The following SV2C variants were observed in gnomAD, a reference collection of about 807,000 sequenced individuals.
The protein encoded by SV2C is solute carrier family 22 member B3.
A neutral mutation model predicts 79.7 loss-of-function variants in SV2C; 49 were observed. The observed-to-expected ratio is 0.61, with a 90% CI of 0.49 to 0.78. SV2C has a LOEUF of 0.78. Among genes scored for constraint, SV2C ranks in the 30% least tolerant of loss-of-function variants. The pLI is 0.00. For synonymous variants in SV2C, 334 were observed against 333.2 expected (o/e 1.00, Z -0.03); for missense variants, 833 against 912.9 (o/e 0.91, Z 1.13).
the SV2C span, among the ~76,000 whole-genome samples, chr5:76,030,289 T>TTTTTTTTTTTTATTTATTTA: frequency 1.7e-5 from 2 of 117,870 alleles, no homozygotes; most frequent in African/African-American, 7.8e-5. Flanking sequence ...TTTTTTTTTT[T>TTTTTTTTTTTTATTTATTTA]TTTATTTATT....
intron 12 of SV2C, among the ~76,000 whole-genome samples, chr5:76,346,418 G>GTGGA (rs528055525): frequency 1.2e-3 from 190 of 152,318 alleles, no homozygotes; most frequent in African/African-American, 4.3e-3. Context: ...CAGCACTTCA[G>GTGGA]TGGATATAGT....
the SV2C span, among the ~76,000 whole-genome samples, chr5:76,023,482 T>C: frequency 6.6e-6 from 1 of 152,094 alleles, no homozygotes; most frequent in Admixed American, 6.6e-5. Flanking sequence ...GACTTTTATG[T>C]AGCCATCCCA....
the SV2C span, among the ~76,000 whole-genome samples, chr5:76,042,085 G>T: frequency 2.0e-5 from 3 of 152,182 alleles, no homozygotes; most frequent in South Asian, 4.1e-4. Flanking sequence ...TCTGTCCAGG[G>T]TGCTGCTCAC....
the SV2C span, among the ~76,000 whole-genome samples, chr5:75,919,001 G>T: frequency 6.6e-6 from 1 of 152,064 alleles, no homozygotes. Flanking sequence ...TAAACATTCC[G>T]GCAGAATTCA....
the SV2C span, among the ~76,000 whole-genome samples, chr5:75,964,903 T>A: frequency 6.6e-6 from 1 of 152,204 alleles, no homozygotes; most frequent in Non-Finnish European, 1.5e-5. Context: ...AGCAATTTTT[T>A]AAACTAGTTG....
At chr5:76,207,651 C>G (rs973453519) in intron 3 of SV2C, among the ~76,000 whole-genome samples, 1 of 151,944 alleles carries the variant, frequency 6.6e-6, no homozygotes. Flanking sequence ...TGCAGCTTAC[C>G]CCTTGAAAGG....
the SV2C span, among the ~76,000 whole-genome samples, chr5:75,871,229 G>C: frequency 2.0e-5 from 3 of 152,210 alleles, no homozygotes; most frequent in Non-Finnish European, 4.4e-5. Flanking sequence ...AATTGAAGTA[G>C]AAATGAAATG....
At chr5:75,861,202 A>G in the SV2C span, among the ~76,000 whole-genome samples, 24 of 152,388 alleles carry the variant, frequency 1.6e-4, no homozygotes, top group African/African-American at 5.3e-4. Context: ...AAAAGAAGAC[A>G]TAAAAGTGGC....
chr5:75,853,082 G>C, the SV2C span, among the ~76,000 whole-genome samples: 3 of 152,004 alleles, frequency 2.0e-5, no homozygotes, highest in Non-Finnish European at 2.9e-5. Context: ...ACATACTGTC[G>C]CAAGTTCTTA....
the SV2C span, among the ~76,000 whole-genome samples, chr5:76,021,061 C>T: frequency 6.6e-6 from 1 of 152,170 alleles, no homozygotes; most frequent in African/African-American, 2.4e-5. Flanking sequence ...ATGAAGAAAT[C>T]ATTGGTCTAT....
At chr5:75,942,309 C>G in the SV2C span, among the ~76,000 whole-genome samples, 2 of 152,182 alleles carry the variant, frequency 1.3e-5, no homozygotes, top group African/African-American at 4.8e-5. Context: ...ATAAGCTCCT[C>G]TAGAAAATTA....
the SV2C span, among the ~76,000 whole-genome samples, chr5:75,955,455 TAGGC>T: frequency 8.2e-4 from 124 of 151,072 alleles, 1 homozygote; most frequent in African/African-American, 2.9e-3. Flanking sequence ...GAAGAAAACT[TAGGC>T]ATTACCATTC....
chr5:76,124,655 T>C (rs1748642520), intron 1 of SV2C, among the ~76,000 whole-genome samples: 2 of 152,210 alleles, frequency 1.3e-5, no homozygotes, highest in South Asian at 4.1e-4. Flanking sequence ...GATTATATGG[T>C]AATTCTATTT....
the SV2C span, among the ~76,000 whole-genome samples, chr5:75,888,035 T>C: frequency 3.9e-5 from 6 of 152,166 alleles, no homozygotes; most frequent in Admixed American, 1.3e-4. Flanking sequence ...AAGTGTTCAA[T>C]TGTTTTTTTA....
intron 1 of SV2C, among the ~76,000 whole-genome samples, chr5:76,090,062 G>A (rs1258864972): frequency 1.3e-5 from 2 of 152,134 alleles, no homozygotes; most frequent in South Asian, 2.1e-4. Flanking sequence ...AGAAGCAATC[G>A]ATGTTTCCCA....
the SV2C span, among the ~76,000 whole-genome samples, chr5:76,034,393 G>C: frequency 6.6e-6 from 1 of 152,134 alleles, no homozygotes; most frequent in Non-Finnish European, 1.5e-5. Flanking sequence ...GTTTGTCATA[G>C]ATAGCTCTTA....
At chr5:76,086,657 A>C (rs1747210572) in intron 1 of SV2C, among the ~76,000 whole-genome samples, 1 of 152,204 alleles carries the variant, frequency 6.6e-6, no homozygotes, top group African/African-American at 2.4e-5. Context: ...GTTTTGATGC[A>C]ACATTGCCAC....
At chr5:75,999,184 CA>C in the SV2C span, among the ~76,000 whole-genome samples, 1 of 152,054 alleles carries the variant, frequency 6.6e-6, no homozygotes, top group Non-Finnish European at 1.5e-5. Flanking sequence ...TACCTCCCAC[CA>C]GGTCCCTCCT....
At position 76,131,631 on chromosome 5, in the gene SV2C, T is replaced by A. The variant is rs1748893448; in HGVS notation, c.-101-19T>A. 2 of 668,150 alleles carry A rather than the reference T, an allele frequency of 3.0e-6. No homozygotes were observed. Among genetic ancestry groups the A allele is most frequent in the Non-Finnish European group, 4.9e-6 (2 of 411,600 alleles). 41.4% of individuals were successfully genotyped at this position (668,150 alleles called of 1,614,324 possible). ...ATAGAAAGGAATAATAAGTATCTCC[T>A]CTATTTCTTCTTTCGCAGTTCTGTT... On this transcript the variant is annotated intron_variant, in intron 1 of 12. Coordinates refer to ENST00000502798, the MANE Select transcript of SV2C (RefSeq NM_014979.4).
Sources: gnomAD v4.1 joint callset for allele counts (sites outside exome capture counted in the v4.1 genomes callset) on GRCh38, gnomAD v4.1.1 for gene constraint, MANE v1.5 for transcripts, NCBI Gene and HGNC (gene_info 2026-07-23, HGNC 2026-07-21) for gene names.